RIMS2: variants seen among roughly 807,000 people sequenced by gnomAD.
RIMS2 encodes regulating synaptic membrane exocytosis 2, also known as regulating synaptic membrane exocytosis protein 2.
Under a neutral mutation model 174.4 loss-of-function variants are expected in RIMS2, and 59 were observed. The observed-to-expected ratio is 0.34, with a 90% CI of 0.27 to 0.42. The LOEUF is 0.42. Ranked by LOEUF, RIMS2 falls within the 10% of genes least tolerant of loss-of-function variation. RIMS2 has a pLI of 1.00. For missense variants in RIMS2, 1,620 were observed against 1,666.3 expected (o/e 0.97, Z 0.48); for synonymous variants, 606 against 572.5 (o/e 1.06, Z -0.84).
intron 19 of RIMS2, among the ~76,000 whole-genome samples, chr8:104,069,102 C>T (rs2097153450): frequency 1.3e-5 from 2 of 152,130 alleles, no homozygotes; most frequent in South Asian, 2.1e-4. Context: ...CTAATACAAC[C>T]ATTCTGTTTT....
intron 19 of RIMS2, among the ~76,000 whole-genome samples, chr8:104,072,816 C>G (rs1206260706): frequency 2.0e-5 from 3 of 152,112 alleles, no homozygotes; most frequent in Non-Finnish European, 4.4e-5. Flanking sequence ...TATTAAGCTA[C>G]TGTCTTTCTA....
At chr8:103,523,534 G>A (rs116025934) in intron 1 of RIMS2, among the ~76,000 whole-genome samples, 263 of 152,228 alleles carry the variant, frequency 1.7e-3, no homozygotes, top group African/African-American at 5.9e-3. Flanking sequence ...ATTAGGCAGG[G>A]ACTTGTATGA....
chr8:103,560,211 G>A (rs775960892), intron 1 of RIMS2, among the ~76,000 whole-genome samples: 1 of 151,974 alleles, frequency 6.6e-6, no homozygotes, highest in Non-Finnish European at 1.5e-5. Flanking sequence ...TAGAATTATT[G>A]TTATATTAAA....
rs531696288 is a variant in RIMS2, at chr8:104,216,101, G to A, written c.3335-28815G>A. Among the ~76,000 whole-genome samples the A allele has an allele frequency of 2.5e-3, 380 of 152,306 alleles. 2 individuals are homozygous for A. Among genetic ancestry groups the A allele is most frequent in the Non-Finnish European group, 4.0e-3 (271 of 68,026 alleles). Reference sequence around the variant, plus strand: ...ATTTCCTATCTTGTCTGGAGGCTGAGTTGTTCATGTGATTTTGGCTGAACT... The same window carrying A: ...ATTTCCTATCTTGTCTGGAGGCTGAATTGTTCATGTGATTTTGGCTGAACT... On this transcript the variant is annotated intron_variant, in intron 19 of 23. Coordinates refer to ENST00000504942, the Ensembl canonical transcript of RIMS2.
At chr8:103,770,792 T>G (rs2098244580) in intron 3 of RIMS2, among the ~76,000 whole-genome samples, 1 of 152,190 alleles carries the variant, frequency 6.6e-6, no homozygotes, top group African/African-American at 2.4e-5. Context: ...TCTGTCTCTC[T>G]TTCTTCTTTC....
At chr8:103,676,314 C>T (rs112197747) in intron 1 of RIMS2, among the ~76,000 whole-genome samples, 160 of 152,216 alleles carry the variant, frequency 1.1e-3, no homozygotes, top group African/African-American at 3.7e-3. Context: ...TTAAACTAAG[C>T]TATTGTTTCT....
chr8:104,166,313 G>T (rs2098797959), intron 19 of RIMS2, among the ~76,000 whole-genome samples: 1 of 151,830 alleles, frequency 6.6e-6, no homozygotes, highest in African/African-American at 2.4e-5. Flanking sequence ...TGATCCGCCC[G>T]CCTCTGCCTC....
exon 4 of RIMS2, chr8:103,885,398 C>T (rs2099194110): frequency 1.2e-6 from 2 of 1,612,360 alleles, no homozygotes; most frequent in Non-Finnish European, 1.7e-6. Context: ...TACCGCAATG[C>T]CTAGATCTCC....
intron 19 of RIMS2, among the ~76,000 whole-genome samples, chr8:104,080,045 G>A (rs1409144478): frequency 1.3e-5 from 2 of 151,984 alleles, no homozygotes; most frequent in Non-Finnish European, 2.9e-5. Context: ...GTTTTCTAAT[G>A]GGCATACAAT....
At chr8:104,076,993 C>T (rs1038835455) in intron 19 of RIMS2, among the ~76,000 whole-genome samples, 4 of 151,306 alleles carry the variant, frequency 2.6e-5, no homozygotes, top group African/African-American at 4.8e-5. Context: ...ATTTTTTTGT[C>T]GTTTTAGTAA....
intron 2 of RIMS2, among the ~76,000 whole-genome samples, chr8:103,745,985 G>A (rs2097806840): frequency 6.6e-6 from 1 of 152,054 alleles, no homozygotes; most frequent in South Asian, 2.1e-4. Flanking sequence ...TTGTTTGGTT[G>A]TTTGTTCTTT....
At chr8:103,816,651 G>A (rs564420660) in intron 3 of RIMS2, among the ~76,000 whole-genome samples, 3 of 152,288 alleles carry the variant, frequency 2.0e-5, no homozygotes, top group African/African-American at 7.2e-5. Flanking sequence ...AGGTGAAAGG[G>A]TGGTAATGGA....
chr8:103,709,144 T>G (rs2137850977), intron 2 of RIMS2, among the ~76,000 whole-genome samples: 1 of 152,314 alleles, frequency 6.6e-6, no homozygotes, highest in South Asian at 2.1e-4. Context: ...TCAGTATATT[T>G]TTTAATAATC....
At chr8:103,926,011 G>A (rs1280514434) in intron 10 of RIMS2, among the ~76,000 whole-genome samples, 1 of 151,456 alleles carries the variant, frequency 6.6e-6, no homozygotes, top group Non-Finnish European at 1.5e-5. Context: ...AATTGCCATA[G>A]GTTTCAGAAG....
intron 13 of RIMS2, among the ~76,000 whole-genome samples, chr8:103,942,427 T>C (rs2082745899): frequency 6.6e-6 from 1 of 152,126 alleles, no homozygotes; most frequent in Non-Finnish European, 1.5e-5. Context: ...TAAATAAAAA[T>C]GCTTTTTAAA....
intron 4 of RIMS2, among the ~76,000 whole-genome samples, chr8:103,903,232 C>A (rs766064014): frequency 3.3e-5 from 5 of 151,906 alleles, no homozygotes; most frequent in Non-Finnish European, 7.4e-5. Flanking sequence ...ATGACTTGTA[C>A]AAGTCATAAA....
At chr8:104,189,697 T>C (rs1423988705) in intron 19 of RIMS2, among the ~76,000 whole-genome samples, 1 of 151,084 alleles carries the variant, frequency 6.6e-6, no homozygotes, top group Non-Finnish European at 1.5e-5. Flanking sequence ...ATTTAAATTA[T>C]ACATAGTTTC....
chr8:104,090,430 C>T (rs1429428400), intron 19 of RIMS2, among the ~76,000 whole-genome samples: 1 of 151,656 alleles, frequency 6.6e-6, no homozygotes, highest in African/African-American at 2.4e-5. Context: ...CTAGAGTAGA[C>T]AAAATCAGAA....
chr8:103,958,139 C>A (rs1019465186), intron 14 of RIMS2, among the ~76,000 whole-genome samples: 4 of 152,076 alleles, frequency 2.6e-5, no homozygotes, highest in Non-Finnish European at 5.9e-5. Flanking sequence ...ATAGCAAAGA[C>A]ATGGAATTAA....
Sources: gnomAD v4.1 joint callset for allele counts (sites outside exome capture counted in the v4.1 genomes callset) on GRCh38, gnomAD v4.1.1 for gene constraint, MANE v1.5 for transcripts, NCBI Gene and HGNC (gene_info 2026-07-23, HGNC 2026-07-21) for gene names.